Variants in SNX24 observed in about 807,000 individuals in gnomAD.
SNX24 encodes sorting nexin 24.
A neutral mutation model predicts 28.7 loss-of-function variants in SNX24; 22 were observed. That is an observed-to-expected ratio of 0.77 (90% confidence interval 0.55 to 1.10). The LOEUF is 1.10. Among genes scored for constraint, SNX24 ranks in the 50% least tolerant of loss-of-function variants. The probability of loss-of-function intolerance (pLI) is 0.00; values close to 1 mark genes in which losing one functional copy is unlikely to be tolerated. For synonymous variants in SNX24, 69 were observed against 71.5 expected, an observed-to-expected ratio of 0.96 and a Z score of 0.18; for missense variants, 221 against 201.1, an observed-to-expected ratio of 1.10 and a Z score of -0.60.
chr5:122,993,845 T>C (rs1372712366), intron 3 of SNX24, among the ~76,000 whole-genome samples: 1 of 152,184 alleles, frequency 6.6e-6, no homozygotes, highest in Non-Finnish European at 1.5e-5. Context: ...GAAGCATCTT[T>C]CCTGGTGAAG....
At chr5:123,015,074 C>T (rs1250547389) in intron 5 of SNX24, among the ~76,000 whole-genome samples, 1 of 152,178 alleles carries the variant, frequency 6.6e-6, no homozygotes, top group African/African-American at 2.4e-5. Context: ...CTGAAGTTAT[C>T]CTGTTTATTT....
intron 1 of SNX24, among the ~76,000 whole-genome samples, chr5:122,876,556 A>G (rs1173386442): frequency 1.3e-5 from 2 of 152,238 alleles, no homozygotes; most frequent in African/African-American, 4.8e-5. Context: ...CATAATTAAT[A>G]TAACCCAGTA....
intron 3 of SNX24, among the ~76,000 whole-genome samples, chr5:122,958,772 C>T (rs1330969525): frequency 6.6e-6 from 1 of 151,522 alleles, no homozygotes; most frequent in African/African-American, 2.4e-5. Context: ...GTTGCCCAGG[C>T]TGGTCTCAGA....
At chr5:122,979,338 C>G (rs1018705208) in intron 3 of SNX24, among the ~76,000 whole-genome samples, 5 of 152,158 alleles carry the variant, frequency 3.3e-5, no homozygotes, top group Admixed American at 2.0e-4. Context: ...TTCTGCGGCC[C>G]GAAGCAGATG....
At chr5:122,851,082 A>G (rs1581665352) in intron 1 of SNX24, among the ~76,000 whole-genome samples, 1 of 152,222 alleles carries the variant, frequency 6.6e-6, no homozygotes, top group South Asian at 2.1e-4. Context: ...TTTAAGATAC[A>G]TTGTTGACAA....
At chr5:123,021,716 G>A (rs1019258097) in intron 5 of SNX24, among the ~76,000 whole-genome samples, 3 of 152,102 alleles carry the variant, frequency 2.0e-5, no homozygotes. Context: ...CGTGTACCAT[G>A]ACCAAAGACT....
intron 3 of SNX24, 43 bp downstream of exon 3, chr5:122,946,202 C>T (rs753024472): frequency 4.4e-6 from 5 of 1,134,868 alleles, no homozygotes; most frequent in Non-Finnish European, 6.6e-6. Context: ...CATAAATAAT[C>T]ATATGTCTTA....
chr5:122,976,987 T>C (rs1761191218), intron 3 of SNX24, among the ~76,000 whole-genome samples: 1 of 152,184 alleles, frequency 6.6e-6, no homozygotes, highest in Non-Finnish European at 1.5e-5. Context: ...ATTTTTTTTT[T>C]CTTATCCACA....
chr5:122,932,094 G>A (rs1163345960), intron 1 of SNX24, among the ~76,000 whole-genome samples: 1 of 152,046 alleles, frequency 6.6e-6, no homozygotes, highest in Non-Finnish European at 1.5e-5. Context: ...CCACACTTGG[G>A]GATCAGATTC....
chr5:122,984,454 G>A lies in SNX24; in HGVS notation c.250-15458G>A, dbSNP rs1761512998. Reference sequence around the variant, plus strand: ...TAACCCCAACTGCACTGAATTCCCTGAACGTCTTGTACTCTCCTGCTCAAA... The same window carrying A: ...TAACCCCAACTGCACTGAATTCCCTAAACGTCTTGTACTCTCCTGCTCAAA... On this transcript the variant is annotated intron_variant, in intron 3 of 6. Transcript: ENST00000261369. 2.0e-5 allele frequency among the ~76,000 whole-genome samples: 3 copies of A among 152,144 alleles called. No homozygotes were observed. The South Asian group carries it at 6.2e-4, about 32-fold the overall frequency.
chr5:123,022,130 C>G (rs1003043346), intron 5 of SNX24, among the ~76,000 whole-genome samples: 1 of 152,180 alleles, frequency 6.6e-6, no homozygotes, highest in African/African-American at 2.4e-5. Context: ...CCCCATGAGG[C>G]CCTTTTCTGT....
At position 122,999,979 on chromosome 5, in the gene SNX24, C is replaced by A. The variant is rs1352486810; in HGVS notation, c.317C>A (p.Pro106His). The A allele has an allele frequency of 6.2e-7, 1 of 1,611,742 alleles. No individual in the cohort carries two copies. Among genetic ancestry groups the A allele is most frequent in the Non-Finnish European group, 8.5e-7 (1 of 1,177,936 alleles). ...GATTTCCTAAATGTGCGACACTTGC[C>A]CTCTCTACCAAAGGCAGAAAGTTGT... ...FLDFLNVRHLPSLPKAESCGS... is the reference protein window; with the variant it reads ...FLDFLNVRHLHSLPKAESCGS... The change falls in exon 4 of 7, where the codon CCC (proline) becomes CAC (histidine). Residue 106 changes from proline (P) to histidine (H), a missense_variant. Physicochemically the swap from Pro to His is moderately conservative, Grantham distance 77 (BLOSUM62 -2). Transcript: ENST00000261369.
At chr5:122,868,801 T>C (rs1015968362) in intron 1 of SNX24, among the ~76,000 whole-genome samples, 7 of 152,046 alleles carry the variant, frequency 4.6e-5, no homozygotes, top group Non-Finnish European at 8.8e-5. Flanking sequence ...GGATTAAATC[T>C]GCGTCTCATC....
intron 3 of SNX24, among the ~76,000 whole-genome samples, chr5:122,967,262 C>G (rs2061770): frequency 0.056 from 8,485 of 152,258 alleles, 321 homozygotes; most frequent in African/African-American, 0.1. Flanking sequence ...GCAGCAGCAT[C>G]TGGTATTGGA....
intron 3 of SNX24, among the ~76,000 whole-genome samples, chr5:122,990,589 A>C (rs1761799265): frequency 1.3e-5 from 2 of 152,212 alleles, no homozygotes; most frequent in South Asian, 4.1e-4. Flanking sequence ...AAACACTTTA[A>C]AAACATCAAT....
rs368723614 is a variant in SNX24, at chr5:122,950,019, T to G, written c.249+3860T>G. Among the ~76,000 whole-genome samples the G allele has an allele frequency of 2.0e-5, 3 of 152,270 alleles. No homozygotes were observed. The East Asian group carries it at 5.8e-4, about 29-fold the overall frequency. On this transcript the variant is annotated intron_variant, in intron 3 of 6. Transcript: ENST00000261369. ...AGAAATCAATTAACTATTATTATGT[T>G]TTCTTACCTCTTTCCCCTTAAATAA...
At chr5:122,939,592 A>T (rs76958427) in intron 2 of SNX24, among the ~76,000 whole-genome samples, 38 of 152,144 alleles carry the variant, frequency 2.5e-4, no homozygotes, top group Non-Finnish European at 3.5e-4. Flanking sequence ...TTCAGATTCT[A>T]TCTTAAAATT....
intron 1 of SNX24, among the ~76,000 whole-genome samples, chr5:122,914,699 A>G (rs546211007): frequency 1.3e-5 from 2 of 151,508 alleles, no homozygotes; most frequent in South Asian, 2.1e-4. Flanking sequence ...TGTTTGTAGT[A>G]TTCTCTGATG....
intron 5 of SNX24, among the ~76,000 whole-genome samples, chr5:123,019,073 A>C (rs1370178927): frequency 6.6e-6 from 1 of 152,086 alleles, no homozygotes. Context: ...TAGTCACTCC[A>C]ATTCTGCATT....
Sources: gnomAD v4.1 joint callset for allele counts (sites outside exome capture counted in the v4.1 genomes callset) on GRCh38, gnomAD v4.1.1 for gene constraint, MANE v1.5 for transcripts, NCBI Gene and HGNC (gene_info 2026-07-23, HGNC 2026-07-21) for gene names.